The following INPP4B variants were observed in gnomAD, a reference collection of about 807,000 sequenced individuals.
The protein encoded by INPP4B is inositol polyphosphate-4-phosphatase type II B.
In INPP4B, 55 loss-of-function variants were observed where a neutral mutation model predicts 122.5. The ratio of observed to expected loss-of-function variants is 0.45; its 90% CI spans 0.36 to 0.56. The LOEUF (loss-of-function observed/expected upper bound fraction) is 0.56. Among genes scored for constraint, INPP4B ranks in the 20% least tolerant of loss-of-function variants. The pLI, the probability that INPP4B is intolerant of heterozygous loss-of-function variation, is 0.00. For synonymous variants in INPP4B, 403 were observed against 388.7 expected (o/e 1.04, Z -0.43); for missense variants, 1,000 against 1,097.7 (o/e 0.91, Z 1.26).
chr4:142,422,970 A>G (rs1169752277), intron 5 of INPP4B, among the ~76,000 whole-genome samples: 1 of 152,114 alleles, frequency 6.6e-6, no homozygotes, highest in Non-Finnish European at 1.5e-5. Flanking sequence ...GTGAAGTAAG[A>G]GTTTTATCAA....
chr4:142,246,038 G>A (rs1284586425), intron 11 of INPP4B, among the ~76,000 whole-genome samples: 3 of 113,620 alleles, frequency 2.6e-5, no homozygotes, highest in African/African-American at 6.6e-5. Context: ...ACACACGTGT[G>A]TGTATACACA....
chr4:142,298,065 T>C (rs1008190130), intron 9 of INPP4B, among the ~76,000 whole-genome samples: 1 of 152,152 alleles, frequency 6.6e-6, no homozygotes, highest in Non-Finnish European at 1.5e-5. Context: ...ATGAAAGTCC[T>C]GTTTCTACTA....
At chr4:142,484,909 G>A (rs1020183575) in intron 2 of INPP4B, among the ~76,000 whole-genome samples, 4 of 151,932 alleles carry the variant, frequency 2.6e-5, no homozygotes, top group African/African-American at 9.7e-5. Context: ...CCTGTATTTC[G>A]TTTTTGACTA....
chr4:142,134,868 T>C (rs904969970), intron 18 of INPP4B, among the ~76,000 whole-genome samples: 2 of 151,748 alleles, frequency 1.3e-5, no homozygotes, highest in African/African-American at 2.4e-5. Flanking sequence ...GCTTCATTCA[T>C]TGATCTTTTT....
intron 7 of INPP4B, among the ~76,000 whole-genome samples, chr4:142,385,238 C>T (rs774733278): frequency 6.6e-6 from 1 of 152,156 alleles, no homozygotes; most frequent in Admixed American, 6.6e-5. Flanking sequence ...AGTGTATAAG[C>T]GTTCTTTTTT....
At chr4:142,676,909 T>C (rs1018414028) in intron 2 of INPP4B, among the ~76,000 whole-genome samples, 2 of 152,112 alleles carry the variant, frequency 1.3e-5, no homozygotes, top group Admixed American at 6.6e-5. Context: ...ACTTAGGCCA[T>C]ACCATTTAGG....
At chr4:142,395,101 G>A (rs1171823157) in intron 7 of INPP4B, among the ~76,000 whole-genome samples, 1 of 152,166 alleles carries the variant, frequency 6.6e-6, no homozygotes, top group Non-Finnish European at 1.5e-5. Context: ...AGCAAACAAA[G>A]TTTTTGAAGA....
chr4:142,833,563 A>G (rs1460869345), intron 1 of INPP4B, among the ~76,000 whole-genome samples: 3 of 152,088 alleles, frequency 2.0e-5, no homozygotes, highest in Non-Finnish European at 1.5e-5. Flanking sequence ...TTACTATTAC[A>G]AATCTGTGAA....
intron 25 of INPP4B, among the ~76,000 whole-genome samples, chr4:142,054,712 G>A (rs1458424418): frequency 6.6e-6 from 1 of 152,042 alleles, no homozygotes; most frequent in Non-Finnish European, 1.5e-5. Flanking sequence ...TAGGAGACTG[G>A]ATAGTCACAA....
chr4:142,614,046 G>A (rs1370284368), intron 2 of INPP4B, among the ~76,000 whole-genome samples: 3 of 152,140 alleles, frequency 2.0e-5, no homozygotes, highest in African/African-American at 7.2e-5. Context: ...GTTCTTAATA[G>A]TAACTGAAAC....
intron 7 of INPP4B, among the ~76,000 whole-genome samples, chr4:142,379,675 C>T (rs1238072309): frequency 6.6e-6 from 1 of 152,200 alleles, no homozygotes; most frequent in Non-Finnish European, 1.5e-5. Flanking sequence ...AGCAGACTAA[C>T]ATTTTATATT....
At chr4:142,114,066 T>C (rs1019912212) in intron 21 of INPP4B, among the ~76,000 whole-genome samples, 4 of 152,102 alleles carry the variant, frequency 2.6e-5, no homozygotes, top group Non-Finnish European at 5.9e-5. Flanking sequence ...TCATACAGTA[T>C]GTAATCTTTT....
At chr4:142,273,960 A>G (rs1263767343) in intron 9 of INPP4B, among the ~76,000 whole-genome samples, 2 of 151,910 alleles carry the variant, frequency 1.3e-5, no homozygotes, top group South Asian at 2.1e-4. Context: ...GTTAAAATTT[A>G]CCATACAAAG....
At chr4:142,279,517 G>A (rs1008014222) in intron 9 of INPP4B, among the ~76,000 whole-genome samples, 2 of 150,534 alleles carry the variant, frequency 1.3e-5, no homozygotes, top group Non-Finnish European at 3.0e-5. Context: ...TCAACAGATG[G>A]TATTGGAACA....
At chr4:142,657,500 G>C (rs530343549) in intron 2 of INPP4B, among the ~76,000 whole-genome samples, 1 of 152,160 alleles carries the variant, frequency 6.6e-6, no homozygotes, top group Non-Finnish European at 1.5e-5. Flanking sequence ...AAATTGCTAG[G>C]AGTTAATTGA....
chr4:142,321,869 G>A (rs182611457), intron 7 of INPP4B, among the ~76,000 whole-genome samples: 1 of 152,230 alleles, frequency 6.6e-6, no homozygotes, highest in African/African-American at 2.4e-5. Flanking sequence ...GTTGGGTAAT[G>A]TAATGCCTCC....
chr4:142,305,681 T>G, intron 8 of INPP4B, 144 bp from the exon 9 acceptor site: 1 of 1,463,396 alleles, frequency 6.8e-7, no homozygotes, highest in African/African-American at 1.4e-5. Context: ...AGAGATAAAA[T>G]TATCAATAAT....
chr4:142,521,460 T>A (rs558618681), intron 2 of INPP4B, among the ~76,000 whole-genome samples: 11 of 152,060 alleles, frequency 7.2e-5, no homozygotes, highest in African/African-American at 2.2e-4. Context: ...TTTTTAGCCA[T>A]AAAAAATTTC....
chr4:142,592,893 G>A (rs758949930), intron 2 of INPP4B, among the ~76,000 whole-genome samples: 4 of 152,048 alleles, frequency 2.6e-5, no homozygotes, highest in Non-Finnish European at 5.9e-5. Flanking sequence ...TTGAGGTCAG[G>A]AGTTCAAGAC....
Sources: allele counts gnomAD v4.1 joint callset (sites outside exome capture counted in the v4.1 genomes callset), GRCh38; gene constraint gnomAD v4.1.1; transcripts MANE v1.5; gene names NCBI Gene and HGNC (gene_info 2026-07-23, HGNC 2026-07-21).